The following TOX2 variants were observed in gnomAD, a reference collection of about 807,000 sequenced individuals.
TOX2 encodes the protein TOX high mobility group box family member 2, also known as granulosa cell HMG box 1.
Under a neutral mutation model 47.4 loss-of-function variants are expected in TOX2, and 15 were observed. The observed-to-expected ratio is 0.32, with a 90% CI of 0.21 to 0.49. The LOEUF (loss-of-function observed/expected upper bound fraction) is 0.49, where lower values mean the gene tolerates loss of function less well. TOX2 is among the 20% of genes least tolerant of loss of function. The probability of loss-of-function intolerance (pLI) is 0.99; values close to 1 mark genes in which losing one functional copy is unlikely to be tolerated. For synonymous variants in TOX2, 290 were observed against 296.6 expected (o/e 0.98, Z 0.23); for missense variants, 622 against 673.1 (o/e 0.92, Z 0.84).
chr20:44,006,333 C>G (rs536558641), intron 2 of TOX2, among the ~76,000 whole-genome samples: 35 of 152,284 alleles, frequency 2.3e-4, no homozygotes, highest in Non-Finnish European at 4.1e-4. Context: ...GTGTGCAGAG[C>G]CTCTGGTGGG....
chr20:43,918,091 G>C (rs927916173), intron 1 of TOX2, among the ~76,000 whole-genome samples: 11 of 152,156 alleles, frequency 7.2e-5, no homozygotes, highest in Admixed American at 2.0e-4. Context: ...GCAAGTCTCT[G>C]TCATGGTTCA....
At chr20:44,043,811 C>A (rs1320856147) in intron 3 of TOX2, among the ~76,000 whole-genome samples, 1 of 152,128 alleles carries the variant, frequency 6.6e-6, no homozygotes, top group Non-Finnish European at 1.5e-5. Context: ...AATGAGGAAT[C>A]CAGTAAGATA....
At chr20:44,065,040 C>T (rs2071788321) in intron 6 of TOX2, among the ~76,000 whole-genome samples, 183 bp downstream of exon 6, 1 of 152,234 alleles carries the variant, frequency 6.6e-6, no homozygotes, top group South Asian at 2.1e-4. Context: ...ACTTTACATG[C>T]ATTTCATTGG....
chr20:44,054,253 AGGCCCTT>A, intron 4 of TOX2, 39 bp from the exon 5 acceptor site: 1 of 1,558,052 alleles, frequency 6.4e-7, no homozygotes, highest in Non-Finnish European at 8.7e-7. Flanking sequence ...CTTTGGCAGG[AGGCCCTT>A]GGGCTTCTTT....
At chr20:44,019,645 G>C (rs1161803097) in intron 3 of TOX2, among the ~76,000 whole-genome samples, 3 of 152,204 alleles carry the variant, frequency 2.0e-5, no homozygotes, top group Non-Finnish European at 2.9e-5. Context: ...GGGTGTGTGT[G>C]TTGGGCAGAG....
In TOX2 at chr20:43,977,426, G is replaced by A. The variant is rs116981121; in HGVS notation, c.165+3994G>A. Among the ~76,000 whole-genome samples, 120 of 152,220 alleles carry A rather than the reference G, an allele frequency of 7.9e-4. 1 individual carries two copies. Among genetic ancestry groups the A allele is most frequent in the Non-Finnish European group, 1.3e-3 (87 of 68,016 alleles). On this transcript the variant is annotated intron_variant, in intron 2 of 8. Coordinates refer to ENST00000341197, the MANE Select transcript of TOX2 (RefSeq NM_001098797.2). Reference sequence around the variant, plus strand: ...ATGTCTGGCCCAGAACATTCAAATCGTATTACAAATTTGTTCTTTAATGTA... The same window carrying A: ...ATGTCTGGCCCAGAACATTCAAATCATATTACAAATTTGTTCTTTAATGTA...
At position 44,065,848 on chromosome 20, in the gene TOX2, G is replaced by A. The variant is rs1051559109; in HGVS notation, c.1097G>A (p.Ser366Asn). The change falls in exon 7 of 9, where the codon AGT becomes AAT. Residue 366 changes from serine to asparagine, a missense_variant. Transcript: ENST00000341197. ...CCGTCGGACCTGCAGGCCTTCCGCA[G>A]TGGGGCCTCCCCTGCCAGCCTCGCC... ...LTPSDLQAFRSGASPASLART... is the reference protein window; with the variant it reads ...LTPSDLQAFRNGASPASLART... 1 of 1,613,798 alleles carries A rather than the reference G, an allele frequency of 6.2e-7. No individual in the cohort carries two copies. The highest frequency in any genetic ancestry group is 1.3e-5 in the African/African-American group (1 of 75,054).
chr20:43,957,890 C>T (rs1398341721), intron 1 of TOX2, among the ~76,000 whole-genome samples: 1 of 152,180 alleles, frequency 6.6e-6, no homozygotes, highest in Non-Finnish European at 1.5e-5. Context: ...GCGTTACACA[C>T]TTTCAAACAA....
At chr20:43,928,000 C>A (rs1225281767) in intron 1 of TOX2, among the ~76,000 whole-genome samples, 1 of 152,132 alleles carries the variant, frequency 6.6e-6, no homozygotes. Context: ...GTGGGACCAC[C>A]AGGCTAGGCT....
intron 3 of TOX2, among the ~76,000 whole-genome samples, chr20:44,027,992 C>G (rs1478561119): frequency 6.6e-6 from 1 of 152,148 alleles, no homozygotes; most frequent in Non-Finnish European, 1.5e-5. Context: ...GGGCTGGGCA[C>G]TGGGGAAACG....
intron 5 of TOX2, among the ~76,000 whole-genome samples, chr20:44,055,543 G>A (rs2071601535): frequency 6.6e-6 from 1 of 152,210 alleles, no homozygotes; most frequent in South Asian, 2.1e-4. Flanking sequence ...GGAAAGGAGG[G>A]CAGGGGCCAG....
chr20:43,931,305 T>C (rs1043289884), intron 1 of TOX2, among the ~76,000 whole-genome samples: 2 of 152,040 alleles, frequency 1.3e-5, no homozygotes, highest in Non-Finnish European at 2.9e-5. Context: ...CACCTGATAA[T>C]TTTTAAATTT....
intron 1 of TOX2, among the ~76,000 whole-genome samples, chr20:43,922,624 A>T (rs1292161437): frequency 6.6e-6 from 1 of 152,222 alleles, no homozygotes; most frequent in Non-Finnish European, 1.5e-5. Context: ...TTATTAACCT[A>T]ATGAGTTGTG....
chr20:44,036,669 G>A (rs2071246164), intron 3 of TOX2, among the ~76,000 whole-genome samples: 1 of 152,244 alleles, frequency 6.6e-6, no homozygotes, highest in Non-Finnish European at 1.5e-5. Context: ...GGTTTTATTG[G>A]AACACAGCCA....
chr20:43,918,643 T>C (rs2069082995), intron 1 of TOX2, among the ~76,000 whole-genome samples: 1 of 152,248 alleles, frequency 6.6e-6, no homozygotes, highest in Admixed American at 6.5e-5. Flanking sequence ...TCAACATTCA[T>C]CCACGATGTT....
chr20:44,019,665 T>C (rs2070946015), intron 3 of TOX2, among the ~76,000 whole-genome samples: 1 of 152,318 alleles, frequency 6.6e-6, no homozygotes, highest in African/African-American at 2.4e-5. Flanking sequence ...GCTGTGGGAC[T>C]GGGATGCTGG....
intron 2 of TOX2, among the ~76,000 whole-genome samples, chr20:43,996,453 T>C (rs550955359): frequency 6.6e-6 from 1 of 152,304 alleles, no homozygotes. Flanking sequence ...CTCGTGTGTG[T>C]TGGGAGGAGC....
chr20:43,966,541 T>G (rs1192580671), intron 1 of TOX2, among the ~76,000 whole-genome samples: 2 of 151,944 alleles, frequency 1.3e-5, no homozygotes, highest in Non-Finnish European at 2.9e-5. Flanking sequence ...GCAGGTCACT[T>G]GAGAGCAGGA....
chr20:44,044,591 G>A (rs575823762), intron 3 of TOX2, among the ~76,000 whole-genome samples: 1 of 152,094 alleles, frequency 6.6e-6, no homozygotes, highest in East Asian at 1.9e-4. Context: ...CACCTATTAG[G>A]ATGGCTTCTA....
Sources: gnomAD v4.1 joint callset for allele counts (sites outside exome capture counted in the v4.1 genomes callset) on GRCh38, gnomAD v4.1.1 for gene constraint, MANE v1.5 for transcripts, NCBI Gene and HGNC (gene_info 2026-07-23, HGNC 2026-07-21) for gene names.